Variants in PTPRD observed in about 807,000 individuals in gnomAD.
The protein encoded by PTPRD is protein tyrosine phosphatase receptor type D, also known as receptor-type tyrosine-protein phosphatase delta.
A neutral mutation model predicts 214.5 loss-of-function variants in PTPRD; 34 were observed. That is an observed-to-expected ratio of 0.16 (90% CI 0.12 to 0.21). The LOEUF is 0.21. Ranked by LOEUF, PTPRD falls within the 10% of genes least tolerant of loss-of-function variation. The probability of loss-of-function intolerance (pLI) is 1.00; values close to 1 mark genes in which losing one functional copy is unlikely to be tolerated. For synonymous variants in PTPRD, 1,128 were observed against 845.7 expected (o/e 1.33, Z -5.79); for missense variants, 2,545 against 2,398.7 (o/e 1.06, Z -1.27).
At chr9:10,531,762 T>C (rs2056418126) in intron 2 of PTPRD, among the ~76,000 whole-genome samples, 1 of 152,138 alleles carries the variant, frequency 6.6e-6, no homozygotes, top group African/African-American at 2.4e-5. Flanking sequence ...ATGACAAAAA[T>C]CACAAATAAA....
intron 2 of PTPRD, among the ~76,000 whole-genome samples, chr9:10,605,268 G>C (rs1009335857): frequency 5.3e-5 from 8 of 151,654 alleles, no homozygotes; most frequent in Non-Finnish European, 7.4e-5. Flanking sequence ...ATTATGCTTT[G>C]GTTATAGCTG....
intron 3 of PTPRD, among the ~76,000 whole-genome samples, chr9:10,155,633 G>A (rs1285102577): frequency 1.3e-5 from 2 of 152,008 alleles, no homozygotes; most frequent in East Asian, 3.9e-4. Context: ...AATACTACAT[G>A]TTTGAGAGTT....
intron 8 of PTPRD, among the ~76,000 whole-genome samples, chr9:9,456,822 T>C (rs2093072397): frequency 6.6e-6 from 1 of 151,946 alleles, no homozygotes; most frequent in Non-Finnish European, 1.5e-5. Flanking sequence ...GGGGTTATAA[T>C]TTTAACTCCT....
At chr9:10,538,206 A>C (rs1168659328) in intron 2 of PTPRD, among the ~76,000 whole-genome samples, 1 of 151,584 alleles carries the variant, frequency 6.6e-6, no homozygotes, top group African/African-American at 2.4e-5. Context: ...ATGAGACGAC[A>C]CTGTGGATAG....
chr9:8,712,022 G>A (rs2098344772), intron 12 of PTPRD, among the ~76,000 whole-genome samples: 1 of 152,210 alleles, frequency 6.6e-6, no homozygotes, highest in East Asian at 1.9e-4. Flanking sequence ...TTGTAGTAAT[G>A]AATACATAAC....
intron 8 of PTPRD, among the ~76,000 whole-genome samples, chr9:9,419,142 C>A (rs1183660774): frequency 6.6e-6 from 1 of 150,532 alleles, no homozygotes; most frequent in Non-Finnish European, 1.5e-5. Flanking sequence ...CACACACACA[C>A]ACACACACAC....
At chr9:9,783,551 A>T (rs1156610157) in intron 5 of PTPRD, among the ~76,000 whole-genome samples, 1 of 152,150 alleles carries the variant, frequency 6.6e-6, no homozygotes, top group African/African-American at 2.4e-5. Flanking sequence ...ATCTATAATT[A>T]AACCAAGATG....
At chr9:8,601,129 G>T (rs1211466422) in intron 14 of PTPRD, among the ~76,000 whole-genome samples, 1 of 152,184 alleles carries the variant, frequency 6.6e-6, no homozygotes. Flanking sequence ...TGGGCCCGTG[G>T]TGGTGGCCAT....
In PTPRD at chr9:8,317,869, G is replaced by C; in HGVS notation, c.*5C>G. 3 of 1,611,826 alleles carry C rather than the reference G, an allele frequency of 1.9e-6. No individual in the cohort carries two copies. Among genetic ancestry groups the C allele is most frequent in the Non-Finnish European group, 2.5e-6 (3 of 1,178,424 alleles). On this transcript the variant is annotated 3_prime_UTR_variant, in exon 46 of 46. Coordinates refer to ENST00000381196, the MANE Select transcript of PTPRD (RefSeq NM_002839.4). ...TAGTAAAAATCCAGAATGGGTCAGG[G>C]GTTTCTACGTTGCATAGTGGTCAAA...
chr9:8,401,590 T>TG (rs2092404950), intron 36 of PTPRD, among the ~76,000 whole-genome samples: 4 of 152,178 alleles, frequency 2.6e-5, no homozygotes, highest in Non-Finnish European at 5.9e-5. Flanking sequence ...TGGAAAGATG[T>TG]CACCAAGTGT....
intron 39 of PTPRD, among the ~76,000 whole-genome samples, chr9:8,345,692 A>T (rs970677804): frequency 6.6e-6 from 1 of 152,122 alleles, no homozygotes; most frequent in Non-Finnish European, 1.5e-5. Flanking sequence ...TCACGGTTCC[A>T]TTGATTCTGT....
intron 4 of PTPRD, among the ~76,000 whole-genome samples, chr9:9,952,536 C>T (rs767698617): frequency 6.6e-6 from 1 of 152,108 alleles, no homozygotes; most frequent in African/African-American, 2.4e-5. Flanking sequence ...GTTTCTCACT[C>T]GTTCTGACAA....
chr9:9,697,311 G>A (rs2097396892), intron 7 of PTPRD, among the ~76,000 whole-genome samples: 1 of 151,968 alleles, frequency 6.6e-6, no homozygotes, highest in Non-Finnish European at 1.5e-5. Context: ...GCATATTAGT[G>A]TTATTTTTTC....
intron 2 of PTPRD, among the ~76,000 whole-genome samples, chr9:10,562,045 A>C (rs1252782587): frequency 6.6e-6 from 1 of 152,186 alleles, no homozygotes; most frequent in East Asian, 1.9e-4. Flanking sequence ...TACTTGCAAA[A>C]CATAAACTGA....
intron 9 of PTPRD, among the ~76,000 whole-genome samples, chr9:9,345,037 G>T (rs1056558600): frequency 6.6e-6 from 1 of 151,994 alleles, no homozygotes; most frequent in Non-Finnish European, 1.5e-5. Flanking sequence ...TTTGAAGTTG[G>T]GAAGTTAAAC....
intron 11 of PTPRD, among the ~76,000 whole-genome samples, chr9:8,829,222 A>T (rs2097235853): frequency 6.6e-6 from 1 of 152,188 alleles, no homozygotes; most frequent in African/African-American, 2.4e-5. Flanking sequence ...CAAGATATAC[A>T]ACATTTCCAT....
intron 10 of PTPRD, among the ~76,000 whole-genome samples, chr9:9,107,597 G>A (rs1244020009): frequency 2.0e-5 from 3 of 152,148 alleles, no homozygotes; most frequent in African/African-American, 7.2e-5. Context: ...GGAGAAAAGT[G>A]AAATAAAAGG....
At chr9:9,918,004 G>GA (rs2081422971) in intron 5 of PTPRD, among the ~76,000 whole-genome samples, 2 of 151,806 alleles carry the variant, frequency 1.3e-5, no homozygotes, top group African/African-American at 4.8e-5. Context: ...CTAAGAACGA[G>GA]AAAAGACAAC....
intron 2 of PTPRD, among the ~76,000 whole-genome samples, chr9:10,414,055 C>T (rs892846123): frequency 3.9e-5 from 6 of 151,942 alleles, no homozygotes; most frequent in African/African-American, 1.4e-4. Context: ...GCAAAGATTT[C>T]ATGACTAAGA....
Sources: gnomAD v4.1 joint callset for allele counts (sites outside exome capture counted in the v4.1 genomes callset) on GRCh38, gnomAD v4.1.1 for gene constraint, MANE v1.5 for transcripts, NCBI Gene and HGNC (gene_info 2026-07-23, HGNC 2026-07-21) for gene names.